The following MYBPH variants were observed in gnomAD, a reference collection of about 807,000 sequenced individuals.
MYBPH encodes myosin-binding protein H.
A neutral mutation model predicts 53.6 loss-of-function variants in MYBPH; 49 were observed. That is an observed-to-expected ratio of 0.91 (90% CI 0.73 to 1.16). The LOEUF is 1.16. Among genes scored for constraint, MYBPH ranks in the 50% most tolerant of loss-of-function variants. The pLI is 0.00. For missense variants in MYBPH, 558 were observed against 624.1 expected, an observed-to-expected ratio of 0.89 and a Z score of 1.13; for synonymous variants, 239 against 249.6, an observed-to-expected ratio of 0.96 and a Z score of 0.40.
upstream of MYBPH, chr1:203,179,200 C>G: frequency 5.4e-6 from 2 of 370,416 alleles, no homozygotes; most frequent in Non-Finnish European, 9.7e-6. Flanking sequence ...CATTAATCAA[C>G]AAGTGTGTAC....
In MYBPH at chr1:203,171,976, C is replaced by A. The variant is rs73075728; in HGVS notation, c.573G>T (p.Thr191=). The change falls in exon 4 of 11, where the codon ACG becomes ACT. Residue 191 remains threonine (T), a synonymous_variant. Coordinates refer to ENST00000255416, the MANE Select transcript of MYBPH (RefSeq NM_004997.3). This position sits in a 1 kb window ranked among gnomAD's most constrained non-coding sequence, Gnocchi z 4.2. ...CCTGGAAGGGGATTTGCAGGTTGAC[C>A]GTCTCTCCCACCTGGCGGATGTAGG... ...RQTYIRQVGE[T]VNLQIPFQGK... is the part of the protein sequence containing the mutation. The A allele has an allele frequency of 4.1e-5, 54 of 1,322,744 alleles. No homozygotes were observed. In the African/African-American group the frequency reaches 7.5e-4, roughly 18 times the overall value. 81.9% of individuals were successfully genotyped at this position (1,322,744 alleles called of 1,614,324 possible).
Position 203,172,464 on chromosome 1 carries a change from C to T in MYBPH, c.509-424G>A, listed in dbSNP as rs3766551. 8.1e-3 allele frequency among the ~76,000 whole-genome samples: 1,228 copies of T among 152,294 alleles called. 38 individuals are homozygous for T. The East Asian group carries it at 0.099, about 12-fold the overall frequency. On this transcript the variant is annotated intron_variant, in intron 3 of 10. Transcript: ENST00000255416. ...AGGGGAGGCCACTGCCGTCTTCCTG[C>T]TCTAATATCCCCAGCTCTCCACAAG...
Position 203,174,487 on chromosome 1 carries a change from C to A in MYBPH, c.451G>T (p.Ala151Ser), listed in dbSNP as rs1328745574. Residue 151 changes from alanine (A) to serine (S), a missense_variant, in exon 3 of 11, where the codon GCA becomes TCA. Transcript: ENST00000255416. ...AGCATGGCCGGCGGGCCAGCCCCTG[C>A]AGAACTCACTGCAGACACGCGCAGG... is the stretch of plus-strand genomic sequence containing the variant. ...FLLRVSAVSS[A>S]GAGPPAMLDQ... is the part of the protein sequence containing the mutation. The A allele has an allele frequency of 1.2e-6, 2 of 1,612,842 alleles. No homozygotes were observed. The highest frequency in any genetic ancestry group is 1.7e-6 in the Non-Finnish European group (2 of 1,179,078).
chr1:203,177,216 G>A (rs1459583772), upstream of MYBPH, among the ~76,000 whole-genome samples: 2 of 152,216 alleles, frequency 1.3e-5, no homozygotes, highest in Non-Finnish European at 2.9e-5. Context: ...AAGTTAGGAT[G>A]GCGATTGCCT....
In MYBPH at chr1:203,171,177, T is replaced by G. The variant is rs1055530995; in HGVS notation, c.817A>C (p.Ile273Leu). The G allele has an allele frequency of 1.9e-6, 3 of 1,608,250 alleles. No homozygotes were observed. The highest frequency in any genetic ancestry group is 1.7e-5 in the Admixed American group (1 of 59,192). Residue 273 changes from isoleucine (I) to leucine (L), a missense_variant, in exon 6 of 11, where the codon ATC becomes CTC. Coordinates refer to ENST00000255416, the MANE Select transcript of MYBPH (RefSeq NM_004997.3). This position sits in a 1 kb window ranked among gnomAD's most constrained non-coding sequence, Gnocchi z 4.2. ...CAGCCCCAGACGTCCAGGAGCCTGA[T>G]GCTGCTGGGGGGTCCAGGTTTCTCT... ...VIEKPGPPSS[I>L]RLLDVWGCNA... is the part of the protein sequence containing the mutation.
rs1329082726 is a variant in MYBPH, at chr1:203,174,421, G to A, written c.508+9C>T. On this transcript the variant is annotated intron_variant, in intron 3 of 10. Coordinates refer to ENST00000255416, the MANE Select transcript of MYBPH (RefSeq NM_004997.3). ...GGGCTGGGTAGCTGAAGGCCAGGAT[G>A]GGCTTTACCAATGTTCTCTCGGATG... The A allele has an allele frequency of 6.4e-7, 1 of 1,572,744 alleles. No homozygotes were observed. The highest frequency in any genetic ancestry group is 8.7e-7 in the Non-Finnish European group (1 of 1,151,308).
chr1:203,172,781 C>T (rs1364974470), intron 3 of MYBPH, among the ~76,000 whole-genome samples: 1 of 152,204 alleles, frequency 6.6e-6, no homozygotes, highest in Admixed American at 6.5e-5. Flanking sequence ...GGCCACCATC[C>T]CTGTCCCCTG....
intron 3 of MYBPH, 192 bp downstream of exon 3, chr1:203,174,238 C>G (rs1293023914): frequency 2.2e-6 from 2 of 903,718 alleles, no homozygotes; most frequent in African/African-American, 3.6e-5. Context: ...CTTCTTAGAC[C>G]TCCAGAGGCC....
chr1:203,172,452 G>A (rs1655719355), intron 3 of MYBPH, among the ~76,000 whole-genome samples: 1 of 152,154 alleles, frequency 6.6e-6, no homozygotes, highest in Non-Finnish European at 1.5e-5. Context: ...GGAGGCCACT[G>A]CCGTCTTCCT....
chr1:203,174,323 G>A (rs772837097), intron 3 of MYBPH, 107 bp downstream of exon 3: 2 of 1,482,022 alleles, frequency 1.3e-6, no homozygotes, highest in Admixed American at 2.3e-5. Flanking sequence ...GTGAGCGTGG[G>A]ACGGGGGAAA....
intron 8 of MYBPH, 38 bp downstream of exon 8, chr1:203,169,215 C>A: frequency 6.3e-7 from 1 of 1,580,770 alleles, no homozygotes; most frequent in Non-Finnish European, 8.6e-7. Flanking sequence ...CCCACCTGCC[C>A]CCACCAGCCC....
upstream of MYBPH, among the ~76,000 whole-genome samples, chr1:203,176,904 A>C (rs958343794): frequency 2.0e-5 from 3 of 152,130 alleles, no homozygotes; most frequent in African/African-American, 7.2e-5. Flanking sequence ...AGACATGGAG[A>C]AGAAGGTTCA....
In MYBPH at chr1:203,171,600, G is replaced by C. The variant is rs1316558587; in HGVS notation, c.598-22C>G. 13 of 1,600,604 alleles carry C rather than the reference G, an allele frequency of 8.1e-6. No homozygotes were observed. The highest frequency in any genetic ancestry group is 1.3e-5 in the African/African-American group (1 of 74,636). Reference sequence around the variant, plus strand: ...TCCCCTGGCAGGGAGGAGCCCCCAGGGTGAGTGTAGGGAGGTGCCAGAGTC... The same window carrying C: ...TCCCCTGGCAGGGAGGAGCCCCCAGCGTGAGTGTAGGGAGGTGCCAGAGTC... On this transcript the variant is annotated intron_variant, in intron 4 of 10. Transcript: ENST00000255416. This position sits in a 1 kb window ranked among gnomAD's most constrained non-coding sequence, Gnocchi z 4.2.
At chr1:203,173,881 G>A (rs927281052) in intron 3 of MYBPH, among the ~76,000 whole-genome samples, 2 of 152,242 alleles carry the variant, frequency 1.3e-5, no homozygotes, top group African/African-American at 4.8e-5. Flanking sequence ...AGAAATATTA[G>A]CAATGGGGAT....
Position 203,174,471 on chromosome 1 carries a change from G to A in MYBPH, c.467C>T (p.Pro156Leu), listed in dbSNP as rs770005031. 1.6e-5 allele frequency: 26 copies of A among 1,610,154 alleles called. No individual in the cohort carries two copies. The highest frequency in any genetic ancestry group is 3.3e-5 in the South Asian group (3 of 90,880). Residue 156 changes from proline (P) to leucine (L), a missense_variant, in exon 3 of 11, where the codon CCG (proline) becomes CTG (leucine). Transcript: ENST00000255416. Reference protein sequence around the residue: ...SAVSSAGAGPPAMLDQPIHIR... With the variant: ...SAVSSAGAGPLAMLDQPIHIR... Reference sequence around the variant, plus strand: ...GTGGATGGGCTGGTCCAGCATGGCCGGCGGGCCAGCCCCTGCAGAACTCAC... The same window carrying A: ...GTGGATGGGCTGGTCCAGCATGGCCAGCGGGCCAGCCCCTGCAGAACTCAC...
chr1:203,174,238 C>T (rs1293023914), intron 3 of MYBPH, 192 bp downstream of exon 3: 1 of 903,716 alleles, frequency 1.1e-6, no homozygotes, highest in Non-Finnish European at 1.3e-6. Flanking sequence ...CTTCTTAGAC[C>T]TCCAGAGGCC....
chr1:203,170,643 C>T lies in MYBPH; in HGVS notation c.934-193G>A, dbSNP rs180895615. ...GTCACTCAGGTGACCTCTGTAGGGT[C>T]CTCAGAGAATCCTAGAGCCTTTGTG... On this transcript the variant is annotated intron_variant, in intron 6 of 10. Transcript: ENST00000255416. Among the ~76,000 whole-genome samples the T allele has an allele frequency of 7.9e-5, 12 of 152,238 alleles. No individual in the cohort carries two copies. In the East Asian group the frequency reaches 1.9e-3, roughly 24 times the overall value.
At chr1:203,170,804 A>C (rs1655679804) in intron 6 of MYBPH, among the ~76,000 whole-genome samples, 1 of 152,184 alleles carries the variant, frequency 6.6e-6, no homozygotes, top group Non-Finnish European at 1.5e-5. Flanking sequence ...ACTCATGTGG[A>C]CATTAAGATT....
At chr1:203,168,733 C>T (rs1282165022) in intron 9 of MYBPH, 58 bp from the exon 10 acceptor site, 50 of 1,598,086 alleles carry the variant, frequency 3.1e-5, no homozygotes, top group South Asian at 6.7e-5. Context: ...GGAAAGTTCA[C>T]GGTTATACAC....
Sources: allele counts gnomAD v4.1 joint callset (sites outside exome capture counted in the v4.1 genomes callset), GRCh38; gene constraint gnomAD v4.1.1; non-coding constraint Gnocchi (gnomAD v3.1); transcripts MANE v1.5; gene names NCBI Gene and HGNC (gene_info 2026-07-23, HGNC 2026-07-21).